The following EXOC5 variants were observed in gnomAD, a reference collection of about 807,000 sequenced individuals.
EXOC5 encodes exocyst complex component 5.
EXOC5 carries 17 observed loss-of-function variants against 90.8 expected under a neutral mutation model. That is an observed-to-expected ratio of 0.19 (90% CI 0.13 to 0.28). The LOEUF is 0.28. Ranked by LOEUF, EXOC5 falls within the 10% of genes least tolerant of loss-of-function variation. The pLI, the probability that EXOC5 is intolerant of heterozygous loss-of-function variation, is 1.00. For synonymous variants in EXOC5, 260 were observed against 270.0 expected (o/e 0.96, Z 0.36); for missense variants, 569 against 830.6 (o/e 0.69, Z 3.87).
chr14:57,268,477 G>A (rs959624909), intron 1 of EXOC5, 145 bp downstream of exon 1: 11 of 1,487,004 alleles, frequency 7.4e-6, no homozygotes, highest in Non-Finnish European at 8.9e-6. Flanking sequence ...CGCTGACACG[G>A]AGCTGCCACC....
At chr14:57,222,682 T>C (rs1308999781) in intron 12 of EXOC5, among the ~76,000 whole-genome samples, 1 of 150,916 alleles carries the variant, frequency 6.6e-6, no homozygotes, top group Admixed American at 6.6e-5. Flanking sequence ...TATACTTTCA[T>C]AAAATGTATA....
rs940952614 is a variant in EXOC5, at chr14:57,213,117, C to T, written c.1614-3056G>A. 2.7e-5 allele frequency among the ~76,000 whole-genome samples: 4 copies of T among 150,872 alleles called. No individual in the cohort carries two copies. The East Asian group carries it at 7.7e-4, about 29-fold the overall frequency. ...ACGTAAGTGCTGCTAGGCATGGTGA[C>T]TCACACCTGTAATCCCAGCACTTTG... is the stretch of plus-strand genomic sequence containing the variant. On this transcript the variant is annotated intron_variant, in intron 15 of 17. Transcript: ENST00000621441.
chr14:57,262,739 ATGTG>A (rs10606438), intron 1 of EXOC5, among the ~76,000 whole-genome samples: 1 of 100,828 alleles, frequency 9.9e-6, no homozygotes. Context: ...ATACGTATAT[ATGTG>A]TGTGTGTATA....
intron 1 of EXOC5, among the ~76,000 whole-genome samples, chr14:57,265,876 C>T (rs974151933): frequency 6.6e-6 from 1 of 152,148 alleles, no homozygotes; most frequent in Non-Finnish European, 1.5e-5. Flanking sequence ...GATCTGTCAA[C>T]AAAAGTTGAA....
intron 2 of EXOC5, among the ~76,000 whole-genome samples, chr14:57,247,239 T>G (rs1002556947): frequency 5.3e-5 from 8 of 152,158 alleles, no homozygotes; most frequent in African/African-American, 1.9e-4. Context: ...AGAAGGCAAA[T>G]GTACTATATA....
rs1262916522 is a variant in EXOC5, at chr14:57,203,883, G to A, written c.*4726C>T. The stretch of plus-strand genomic sequence containing the variant: ...TTATCAGCAGCATGATGTTGACCAT[G>A]TTCTAATCCATTCCACCTGCTCAAA... On this transcript the variant is annotated 3_prime_UTR_variant, in exon 18 of 18. Coordinates refer to ENST00000621441, the MANE Select transcript of EXOC5 (RefSeq NM_006544.4). The A allele has an allele frequency of 6.6e-6, 1 of 152,574 alleles. No homozygotes were observed. The highest frequency in any genetic ancestry group is 1.5e-5 in the Non-Finnish European group (1 of 68,008). The allele number at this position is 152,574 out of a possible 1,614,324, so 9.5% of individuals were successfully genotyped here. A position where few individuals can be genotyped will look rare whatever the true frequency, so the allele number is the denominator to read the frequency against.
In EXOC5 at chr14:57,208,469, G is replaced by A; in HGVS notation, c.*140C>T. On this transcript the variant is annotated 3_prime_UTR_variant, in exon 18 of 18. Coordinates refer to ENST00000621441, the MANE Select transcript of EXOC5 (RefSeq NM_006544.4). ...AACCTCAAAGGTAAGTATGGCTGCT[G>A]TTTTGTTCCAGTCATTGTTTCACAA... 1.8e-6 allele frequency: 1 copy of A among 563,038 alleles called. No homozygotes were observed. The highest frequency in any genetic ancestry group is 3.1e-6 in the Non-Finnish European group (1 of 321,092). The allele number at this position is 563,038 out of a possible 1,614,324, so 34.9% of individuals were successfully genotyped here.
At chr14:57,268,256 C>G (rs1296700938) in intron 1 of EXOC5, 2 of 369,730 alleles carry the variant, frequency 5.4e-6, no homozygotes, top group African/African-American at 2.2e-5. Context: ...CCTGAGGCTC[C>G]TGGCTCTCTT....
intron 1 of EXOC5, among the ~76,000 whole-genome samples, chr14:57,252,900 A>T (rs889069963): frequency 2.6e-5 from 4 of 152,224 alleles, no homozygotes; most frequent in Non-Finnish European, 5.9e-5. Context: ...CCATCAATGG[A>T]TGAATGGATA....
chr14:57,232,572 C>G (rs1883519009), intron 10 of EXOC5, 95 bp downstream of exon 10: 2 of 569,248 alleles, frequency 3.5e-6, no homozygotes, highest in Non-Finnish European at 6.1e-6. Flanking sequence ...AAACTGGTGA[C>G]AAACTTATTC....
rs1310622588 is a variant in EXOC5, at chr14:57,204,430, T to C, written c.*4179A>G. On this transcript the variant is annotated 3_prime_UTR_variant, in exon 18 of 18. Coordinates refer to ENST00000621441, the MANE Select transcript of EXOC5 (RefSeq NM_006544.4). Reference sequence around the variant, plus strand: ...TGATTACATGAAAATGACTATCTACTGTTAATATACTAAATATTTTGCCTT... The same window carrying C: ...TGATTACATGAAAATGACTATCTACCGTTAATATACTAAATATTTTGCCTT... 2.0e-5 allele frequency: 3 copies of C among 152,242 alleles called. No homozygotes were observed. Among genetic ancestry groups the C allele is most frequent in the East Asian group, 1.9e-4 (1 of 5,190 alleles). The allele number at this position is 152,242 out of a possible 1,614,324, so 9.4% of individuals were successfully genotyped here.
chr14:57,264,838 T>C (rs1884622489), intron 1 of EXOC5, among the ~76,000 whole-genome samples: 1 of 152,194 alleles, frequency 6.6e-6, no homozygotes. Flanking sequence ...TTTGAAACCA[T>C]TTATAACCTT....
chr14:57,222,844 T>C (rs1883194088), intron 12 of EXOC5, among the ~76,000 whole-genome samples: 1 of 151,550 alleles, frequency 6.6e-6, no homozygotes, highest in Non-Finnish European at 1.5e-5. Context: ...GTAAAATGCA[T>C]TTCTTACTGT....
chr14:57,241,516 C>G (rs1313269989), intron 4 of EXOC5, among the ~76,000 whole-genome samples: 1 of 152,162 alleles, frequency 6.6e-6, no homozygotes, highest in East Asian at 1.9e-4. Context: ...TTTAAGAAGT[C>G]ATCATCATCA....
rs71104542 is a variant in EXOC5 at position 57,201,568 on chromosome 14, T to TTATATATATATATA, written c.*7027_*7040dup. The TTATATATATATATA allele has an allele frequency of 6.4e-5, 6 of 93,404 alleles. No individual in the cohort carries two copies. Among genetic ancestry groups the TTATATATATATATA allele is most frequent in the South Asian group, 5.9e-4 (2 of 3,390 alleles). 5.8% of individuals were successfully genotyped at this position (93,404 alleles called of 1,614,324 possible). ...ACATATATTTTTATATATATTAATA[T>TTATATATATATATA]TATATATATATATATATATATATAT... is the stretch of plus-strand genomic sequence containing the variant. On this transcript the variant is annotated 3_prime_UTR_variant, in exon 18 of 18. Coordinates refer to ENST00000621441, the MANE Select transcript of EXOC5 (RefSeq NM_006544.4).
At chr14:57,238,373 T>TACACACAC (rs1353864854) in intron 5 of EXOC5, among the ~76,000 whole-genome samples, 204 of 79,900 alleles carry the variant, frequency 2.6e-3, no homozygotes, top group Middle Eastern at 6.8e-3. Context: ...TATATATATA[T>TACACACAC]ATACACACAC....
At chr14:57,261,022 G>A (rs960220481) in intron 1 of EXOC5, among the ~76,000 whole-genome samples, 4 of 152,126 alleles carry the variant, frequency 2.6e-5, no homozygotes, top group Non-Finnish European at 4.4e-5. Flanking sequence ...ACTTGAATAA[G>A]CAAAGATATG....
At chr14:57,220,948 T>C (rs765844687) in intron 13 of EXOC5, among the ~76,000 whole-genome samples, 1 of 152,204 alleles carries the variant, frequency 6.6e-6, no homozygotes, top group East Asian at 1.9e-4. Flanking sequence ...ACTCCACAAG[T>C]ACAGGAGTAG....
At chr14:57,230,378 G>A (rs577213075) in intron 11 of EXOC5, among the ~76,000 whole-genome samples, 1 of 151,862 alleles carries the variant, frequency 6.6e-6, no homozygotes, top group South Asian at 2.1e-4. Context: ...TCTTTGGAAG[G>A]TTAAACTTTT....
Sources: gnomAD v4.1 joint callset for allele counts (sites outside exome capture counted in the v4.1 genomes callset) on GRCh38, gnomAD v4.1.1 for gene constraint, MANE v1.5 for transcripts, NCBI Gene and HGNC (gene_info 2026-07-23, HGNC 2026-07-21) for gene names.